Variants in ZBTB7A observed in about 807,000 individuals in gnomAD.
The protein encoded by ZBTB7A is zinc finger and BTB domain containing 7A.
In ZBTB7A, 7 loss-of-function variants were observed where a neutral mutation model predicts 26.7. That is an observed-to-expected ratio of 0.26 (90% CI 0.15 to 0.49). The LOEUF (loss-of-function observed/expected upper bound fraction) is 0.49, where lower values mean the gene tolerates loss of function less well. Ranked by LOEUF, ZBTB7A falls within the 20% of genes least tolerant of loss-of-function variation. The pLI is 0.98. For synonymous variants in ZBTB7A, 452 were observed against 441.0 expected (o/e 1.02, Z -0.31); for missense variants, 617 against 919.5 (o/e 0.67, Z 4.25).
Position 4,054,351 on chromosome 19 carries a change from C to G in ZBTB7A, c.882G>C (p.Pro294=), listed in dbSNP as rs532750291. The G allele has an allele frequency of 2.7e-6, 4 of 1,487,336 alleles. No homozygotes were observed. The African/African-American group carries it at 5.9e-5, about 22-fold the overall frequency. The allele number at this position is 1,487,336 out of a possible 1,614,324, so 92.1% of individuals were successfully genotyped here. The stretch of plus-strand genomic sequence containing the variant: ...CCTCGGCCGCTCCCGACAGGAAGCC[C>G]GGAGAGTCGCCCGGCTCGGGGGCCG... The part of the protein sequence containing the change: ...SEAAPEPGDS[P]GFLSGAAEGE... The change falls in exon 2 of 3, where the codon CCG becomes CCC. Residue 294 remains proline, a synonymous_variant. Transcript: ENST00000322357.
In ZBTB7A at chr19:4,052,323, G is replaced by A. The variant is rs1033642274; in HGVS notation, c.1262+1648C>T. 1.3e-5 allele frequency among the ~76,000 whole-genome samples: 2 copies of A among 152,168 alleles called. No individual in the cohort carries two copies. On this transcript the variant is annotated intron_variant, in intron 2 of 2. Coordinates refer to ENST00000322357, the MANE Select transcript of ZBTB7A (RefSeq NM_015898.4). The surrounding 1 kb of genome is among the most constrained non-coding windows in gnomAD (Gnocchi z 4.9). Reference sequence around the variant, plus strand: ...TCCTGAGCTCAGAGACGAACCCACAGTGACCCCTGCCTGGAGGAAGAGGAG... The same window carrying A: ...TCCTGAGCTCAGAGACGAACCCACAATGACCCCTGCCTGGAGGAAGAGGAG...
intron 1 of ZBTB7A, chr19:4,065,729 G>A (rs1398249124): frequency 1.6e-5 from 2 of 128,572 alleles, no homozygotes; most frequent in African/African-American, 3.6e-5. Context: ...GGGGAGCGCG[G>A]GGAGGGTGAC....
At chr19:4,053,660 CTGTA>C (rs1011797447) in intron 2 of ZBTB7A, among the ~76,000 whole-genome samples, 15 of 145,652 alleles carry the variant, frequency 1.0e-4, no homozygotes, top group South Asian at 2.2e-4. Flanking sequence ...TGTAGCATGT[CTGTA>C]TGTGTATGTG....
chr19:4,049,144 C>G (rs867794398), intron 2 of ZBTB7A, among the ~76,000 whole-genome samples: 8 of 69,156 alleles, frequency 1.2e-4, no homozygotes, highest in South Asian at 4.8e-4. Flanking sequence ...AGCTATTAAA[C>G]TATATGTGTG....
intron 2 of ZBTB7A, among the ~76,000 whole-genome samples, chr19:4,049,222 G>C (rs2040471113): frequency 1.2e-5 from 1 of 80,468 alleles, no homozygotes; most frequent in African/African-American, 3.7e-5. Context: ...AAGTTTGAGA[G>C]ATGGGGGTTG....
chr19:4,049,948 G>C (rs1056044298), intron 2 of ZBTB7A, among the ~76,000 whole-genome samples: 1 of 151,822 alleles, frequency 6.6e-6, no homozygotes, highest in Non-Finnish European at 1.5e-5. Flanking sequence ...TTCTGAGACC[G>C]AGTCTCGCTC....
chr19:4,049,239 G>A (rs1425587047), intron 2 of ZBTB7A, among the ~76,000 whole-genome samples: 3 of 122,314 alleles, frequency 2.5e-5, no homozygotes, highest in Admixed American at 8.9e-5. Flanking sequence ...GTTGAGCTAC[G>A]TTACCCAGGC....
intron 1 of ZBTB7A, among the ~76,000 whole-genome samples, chr19:4,063,278 G>C (rs537060969): frequency 1.3e-5 from 2 of 152,184 alleles, no homozygotes; most frequent in Non-Finnish European, 2.9e-5. Flanking sequence ...CAGGGGTCAC[G>C]GGGCTCATCC....
At chr19:4,061,344 GCTGC>G (rs559444632) in intron 1 of ZBTB7A, among the ~76,000 whole-genome samples, 1,655 of 152,276 alleles carry the variant, frequency 0.011, 12 homozygotes, top group Non-Finnish European at 0.019. Flanking sequence ...TGCAGGTGCG[GCTGC>G]CAGGCCCGCA....
At position 4,066,765 on chromosome 19, in the gene ZBTB7A, G is replaced by T. The variant is rs2040699446; in HGVS notation, c.-99C>A. On this transcript the variant is annotated 5_prime_UTR_variant, in exon 1 of 3. Transcript: ENST00000322357. ...TCGGCCGCTCGCCTCCGGGGTCCGC[G>T]GCGCTCGCTCTGCCCGCGTCGCGCT... 1 of 151,924 alleles carries T rather than the reference G, an allele frequency of 6.6e-6. No individual in the cohort carries two copies. The highest frequency in any genetic ancestry group is 1.9e-4 in the South Asian group (1 of 5,176). 9.4% of individuals were successfully genotyped at this position (151,924 alleles called of 1,614,324 possible).
intron 2 of ZBTB7A, among the ~76,000 whole-genome samples, chr19:4,053,768 G>A (rs543484740): frequency 6.6e-6 from 1 of 151,672 alleles, no homozygotes; most frequent in East Asian, 2.0e-4. Context: ...ATGTGCAAGT[G>A]CGTGTATGTG....
chr19:4,046,080 C>G lies in ZBTB7A; in HGVS notation c.*1672G>C. 1 of 399,016 alleles carries G rather than the reference C, an allele frequency of 2.5e-6. No homozygotes were observed. The highest frequency in any genetic ancestry group is 4.4e-6 in the Non-Finnish European group (1 of 226,120). The allele number at this position is 399,016 out of a possible 1,614,324, so 24.7% of individuals were successfully genotyped here. ...GGGTGCTCCGGCTGGAAGGCCCATC[C>G]CTGAGCTAGGGAGGAGGAAGGAGAG... On this transcript the variant is annotated 3_prime_UTR_variant, in exon 3 of 3. Transcript: ENST00000322357.
intron 2 of ZBTB7A, among the ~76,000 whole-genome samples, chr19:4,049,168 G>GTGTATATATATATATATA (rs1403864466): frequency 1.3e-4 from 2 of 14,960 alleles, no homozygotes; most frequent in Non-Finnish European, 2.3e-4. Flanking sequence ...GTGTGTGTGT[G>GTGTATATATATATATATA]TATATATATA....
intron 1 of ZBTB7A, among the ~76,000 whole-genome samples, chr19:4,063,360 G>C (rs2040659211): frequency 6.6e-6 from 1 of 152,164 alleles, no homozygotes; most frequent in South Asian, 2.1e-4. Context: ...GGCTGCAGTG[G>C]GCTGGCTCTG....
rs149842256 is a variant in ZBTB7A at position 4,055,197 on chromosome 19, C to G, written c.36G>C (p.Pro12=). Residue 12 remains proline, a synonymous_variant, in exon 2 of 3, where the codon CCG becomes CCC. Transcript: ENST00000322357. Reference sequence around the variant, plus strand: ...GGATGTCGCTGCTGTGGTCGGGGAACGGGATCCCGATGGGGCCGTCCACGC... The same window carrying G: ...GGATGTCGCTGCTGTGGTCGGGGAAGGGGATCCCGATGGGGCCGTCCACGC... ...AGGVDGPIGI[P]FPDHSSDILS... 2 of 1,573,960 alleles carry G rather than the reference C, an allele frequency of 1.3e-6. No individual in the cohort carries two copies. The highest frequency in any genetic ancestry group is 2.3e-5 in the South Asian group (2 of 86,612).
Position 4,047,837 on chromosome 19 carries a change from T to C in ZBTB7A, c.1670A>G (p.Asn557Ser). Reference sequence around the variant, plus strand: ...ACCTCCTCCACCGGCGCCCGCTACATTCAACCGGCCCAAGCCGTCGGGGCT... The same window carrying C: ...ACCTCCTCCACCGGCGCCCGCTACACTCAACCGGCCCAAGCCGTCGGGGCT... Reference protein sequence around the residue: ...VASPDGLGRLNVAGAGGGGDS... With the variant: ...VASPDGLGRLSVAGAGGGGDS... The change falls in exon 3 of 3, where the codon AAT (asparagine) becomes AGT (serine). Residue 557 changes from asparagine (N) to serine (S), a missense_variant. By Grantham distance (46) the Asn-to-Ser change is conservative (BLOSUM62 1). Around this residue, in one of 5 missense-constraint regions of ZBTB7A, gnomAD observed 136 missense variants for 126.6 expected, o/e 1.07. Coordinates refer to ENST00000322357, the MANE Select transcript of ZBTB7A (RefSeq NM_015898.4). 6.2e-7 allele frequency: 1 copy of C among 1,603,306 alleles called. No individual in the cohort carries two copies. Among genetic ancestry groups the C allele is most frequent in the African/African-American group, 1.3e-5 (1 of 74,156 alleles).
Position 4,054,700 on chromosome 19 carries a change from G to A in ZBTB7A, c.533C>T (p.Ala178Val). Reference protein sequence around the residue: ...PMNSLPPAAAAAAASFPWSAF... With the variant: ...PMNSLPPAAAVAAASFPWSAF... ...GGACCACGGGAAGCTGGCAGCGGCG[G>A]CGGCGGCCGCGGGGGGCAGGCTGTT... The change falls in exon 2 of 3, where the codon GCC becomes GTC. Residue 178 changes from alanine (A) to valine (V), a missense_variant. By Grantham distance (64) the Ala-to-Val change is moderately conservative (BLOSUM62 0). Around this residue, in one of 5 missense-constraint regions of ZBTB7A, gnomAD observed 331 missense variants for 391.3 expected, o/e 0.85. Coordinates refer to ENST00000322357, the MANE Select transcript of ZBTB7A (RefSeq NM_015898.4). 6.3e-7 allele frequency: 1 copy of A among 1,579,650 alleles called. No individual in the cohort carries two copies. Among genetic ancestry groups the A allele is most frequent in the Non-Finnish European group, 8.6e-7 (1 of 1,163,126 alleles).
Position 4,046,762 on chromosome 19 carries a change from T to G in ZBTB7A, c.*990A>C, listed in dbSNP as rs1053815149. 1 of 147,458 alleles carries G rather than the reference T, an allele frequency of 6.8e-6. No homozygotes were observed. Among genetic ancestry groups the G allele is most frequent in the Non-Finnish European group, 1.5e-5 (1 of 66,860 alleles). 9.1% of individuals were successfully genotyped at this position (147,458 alleles called of 1,614,324 possible). A position where few individuals can be genotyped will look rare whatever the true frequency, so the allele number is the denominator to read the frequency against. ...TTGCCTGCTCCTCTGAGGAAAAGTA[T>G]ATTATTTATATATATATATATATCT... On this transcript the variant is annotated 3_prime_UTR_variant, in exon 3 of 3. Coordinates refer to ENST00000322357, the MANE Select transcript of ZBTB7A (RefSeq NM_015898.4).
chr19:4,045,788 T>G lies in ZBTB7A; in HGVS notation c.*1964A>C. ...TCTCCCCAACCCCGGCCCCTGTCCG[T>G]GGCCTGTGGCTCGGTCAACACCGGG... On this transcript the variant is annotated 3_prime_UTR_variant, in exon 3 of 3. Coordinates refer to ENST00000322357, the MANE Select transcript of ZBTB7A (RefSeq NM_015898.4). This position sits in a 1 kb window ranked among gnomAD's most constrained non-coding sequence, Gnocchi z 4.1. 1 of 398,038 alleles carries G rather than the reference T, an allele frequency of 2.5e-6. No homozygotes were observed. The highest frequency in any genetic ancestry group is 4.4e-6 in the Non-Finnish European group (1 of 225,906). 24.7% of individuals were successfully genotyped at this position (398,038 alleles called of 1,614,324 possible).
Sources: allele counts gnomAD v4.1 joint callset (sites outside exome capture counted in the v4.1 genomes callset), GRCh38; gene constraint gnomAD v4.1.1; regional missense constraint gnomAD v4.1.1; non-coding constraint Gnocchi (gnomAD v3.1); transcripts MANE v1.5; gene names NCBI Gene and HGNC (gene_info 2026-07-23, HGNC 2026-07-21).